The following EFCAB3 variants were observed in gnomAD, a reference collection of about 807,000 sequenced individuals.
EFCAB3 encodes EF-hand calcium binding domain 3, also known as EF-hand calcium-binding domain-containing protein 3.
EFCAB3 carries 36 observed loss-of-function variants against 42.2 expected under a neutral mutation model. That is an observed-to-expected ratio of 0.85 (90% CI 0.65 to 1.13). The LOEUF (loss-of-function observed/expected upper bound fraction) is 1.13, where lower values mean the gene tolerates loss of function less well. Among genes scored for constraint, EFCAB3 ranks in the 50% most tolerant of loss-of-function variants. EFCAB3 has a pLI of 0.00. For synonymous variants in EFCAB3, 170 were observed against 172.8 expected, an observed-to-expected ratio of 0.98 and a Z score of 0.13; for missense variants, 418 against 505.1, an observed-to-expected ratio of 0.83 and a Z score of 1.65.
chr17:62,392,098 G>A, intron 4 of EFCAB3, 133 bp downstream of exon 4: 3 of 518,686 alleles, frequency 5.8e-6, no homozygotes, highest in Non-Finnish European at 8.4e-6. Context: ...ATATTTGTGT[G>A]TATATATATA....
Position 62,416,259 on chromosome 17 carries a change from A to G in EFCAB3, c.1247A>G (p.Asp416Gly). The change falls in exon 10 of 10, where the codon GAT (aspartate) becomes GGT (glycine). Residue 416 changes from aspartate (D) to glycine (G), a missense_variant. By Grantham distance (94) the Asp-to-Gly change is moderately conservative. Transcript: ENST00000305286. Reference protein sequence around the residue: ...SHNSRSSSSSDTSECYTDSGR... With the variant: ...SHNSRSSSSSGTSECYTDSGR... ...AACTCCAGATCCTCTTCCTCATCAG[A>G]TACCAGTGAATGTTACACAGACTCA... 2.5e-6 allele frequency: 4 copies of G among 1,613,952 alleles called. No homozygotes were observed. Among genetic ancestry groups the G allele is most frequent in the Non-Finnish European group, 2.5e-6 (3 of 1,179,848 alleles).
chr17:62,395,303 GAGA>G lies in EFCAB3; in HGVS notation c.488+121_488+123del, dbSNP rs2070339911. 7 of 1,345,086 alleles carry G rather than the reference GAGA, an allele frequency of 5.2e-6. No homozygotes were observed. In the East Asian group the frequency reaches 1.6e-4, roughly 31 times the overall value. 83.3% of individuals were successfully genotyped at this position (1,345,086 alleles called of 1,614,324 possible). On this transcript the variant is annotated intron_variant, in intron 6 of 9. Transcript: ENST00000305286. ...CCACAGGGTCTGGTCCAAAACTAAGGAGAAGAAGGTATCTGGGCAAATGCCCTT... is the reference window on the plus strand; with the variant it reads ...CCACAGGGTCTGGTCCAAAACTAAGGAGAAGGTATCTGGGCAAATGCCCTT...
intron 3 of EFCAB3, among the ~76,000 whole-genome samples, chr17:62,388,394 G>T (rs1346754459): frequency 2.6e-5 from 4 of 152,216 alleles, no homozygotes; most frequent in Admixed American, 1.3e-4. Context: ...CAGGCAAATA[G>T]CGCTGACAGG....
chr17:62,386,467 TA>T (rs60085815), intron 2 of EFCAB3, among the ~76,000 whole-genome samples: 12,709 of 145,910 alleles, frequency 0.087, 1,732 homozygotes, highest in African/African-American at 0.29. Context: ...GTAAAAGTTG[TA>T]AAAAAAAAAA....
chr17:62,394,007 T>G (rs2144083086), intron 5 of EFCAB3, among the ~76,000 whole-genome samples: 1 of 151,424 alleles, frequency 6.6e-6, no homozygotes, highest in Middle Eastern at 3.4e-3. Context: ...CAGGCTGGAG[T>G]GCAGTGGCAC....
intron 2 of EFCAB3, chr17:62,373,889 A>C (rs2070131595): frequency 7.9e-7 from 1 of 1,266,762 alleles, no homozygotes; most frequent in Non-Finnish European, 1.1e-6. Flanking sequence ...TTTATTATAC[A>C]ATATAAAATT....
At chr17:62,415,587 C>A (rs1250787876) in intron 9 of EFCAB3, among the ~76,000 whole-genome samples, 1 of 152,102 alleles carries the variant, frequency 6.6e-6, no homozygotes, top group Non-Finnish European at 1.5e-5. Context: ...TGTCCCCTCT[C>A]CCTGGAACAC....
chr17:62,375,518 C>A (rs2070143328), intron 2 of EFCAB3, among the ~76,000 whole-genome samples: 1 of 152,188 alleles, frequency 6.6e-6, no homozygotes, highest in African/African-American at 2.4e-5. Flanking sequence ...AAGCAAGGTT[C>A]CCACTCTCAC....
intron 9 of EFCAB3, 42 bp from the exon 10 acceptor site, chr17:62,415,961 A>C (rs750336162): frequency 1.4e-5 from 21 of 1,477,572 alleles, no homozygotes; most frequent in Non-Finnish European, 1.9e-5. Flanking sequence ...AATCAAAGCT[A>C]CTTTAAGGTA....
At chr17:62,413,454 G>T (rs937139868) in intron 8 of EFCAB3, among the ~76,000 whole-genome samples, 6 of 152,076 alleles carry the variant, frequency 3.9e-5, no homozygotes, top group African/African-American at 1.4e-4. Flanking sequence ...AGGAAATTTG[G>T]CAATAATTAC....
intron 1 of EFCAB3, chr17:62,373,751 A>C (rs2070130475): frequency 3.1e-6 from 3 of 958,306 alleles, no homozygotes; most frequent in Non-Finnish European, 4.8e-6. Context: ...GTTTTTAATA[A>C]TTTCACAACT....
chr17:62,406,877 G>T, intron 7 of EFCAB3, 151 bp from the exon 8 acceptor site: 1 of 396,072 alleles, frequency 2.5e-6, no homozygotes, highest in Non-Finnish European at 4.3e-6. Flanking sequence ...AGAGTCTGTG[G>T]ATGGGTGGGG....
Position 62,415,859 on chromosome 17 carries a change from G to A in EFCAB3, c.991-144G>A, listed in dbSNP as rs1368029457. ...TTGTCCATCACCTCCTAGCTCACACGTCCTCACGAGGCACCACCTAATGTA... is the reference window on the plus strand; with the variant it reads ...TTGTCCATCACCTCCTAGCTCACACATCCTCACGAGGCACCACCTAATGTA... On this transcript the variant is annotated intron_variant, in intron 9 of 9. Coordinates refer to ENST00000305286, the MANE Select transcript of EFCAB3 (RefSeq NM_173503.4). 6.3e-5 allele frequency: 42 copies of A among 664,986 alleles called. No individual in the cohort carries two copies. In the South Asian group the frequency reaches 7.7e-4, roughly 12 times the overall value. The allele number at this position is 664,986 out of a possible 1,614,324, so 41.2% of individuals were successfully genotyped here.
upstream of EFCAB3, among the ~76,000 whole-genome samples, chr17:62,376,211 G>A (rs1455932729): frequency 1.3e-5 from 2 of 152,126 alleles, no homozygotes; most frequent in South Asian, 2.1e-4. Context: ...GGTGGCTCAC[G>A]CCTGTAATCT....
In EFCAB3 at chr17:62,398,357, G is replaced by A. The variant is rs149427384; in HGVS notation, c.488+3169G>A. ...TAATCCCAGCTACTCAAGAGGCCAA[G>A]GCACAAGAATGGCTTGAATCTGGGA... is the stretch of plus-strand genomic sequence containing the variant. On this transcript the variant is annotated intron_variant, in intron 6 of 9. Transcript: ENST00000305286. Among the ~76,000 whole-genome samples the A allele has an allele frequency of 8.1e-4, 123 of 152,064 alleles. No homozygotes were observed. In the Middle Eastern group the frequency reaches 0.014, roughly 17 times the overall value.
intron 3 of EFCAB3, among the ~76,000 whole-genome samples, chr17:62,390,469 A>G (rs969808256): frequency 1.3e-5 from 2 of 152,184 alleles, no homozygotes; most frequent in African/African-American, 4.8e-5. Context: ...TCCACCCAGA[A>G]TTACTTTTTC....
At chr17:62,387,980 C>T (rs1029960604) in intron 3 of EFCAB3, among the ~76,000 whole-genome samples, 3 of 151,976 alleles carry the variant, frequency 2.0e-5, no homozygotes, top group Admixed American at 6.6e-5. Flanking sequence ...TGAGGCAGGC[C>T]GGGCCGATCA....
intron 2 of EFCAB3, among the ~76,000 whole-genome samples, chr17:62,374,270 G>A (rs1469010340): frequency 3.9e-5 from 6 of 152,222 alleles, no homozygotes; most frequent in Admixed American, 3.9e-4. Flanking sequence ...AGACCAGCCT[G>A]ACCAACATGG....
chr17:62,415,795 TTTC>T (rs1486196970), intron 9 of EFCAB3, among the ~76,000 whole-genome samples: 1 of 152,200 alleles, frequency 6.6e-6, no homozygotes, highest in Non-Finnish European at 1.5e-5. Context: ...CCTTATAAAA[TTTC>T]TTATTACCTC....
Sources: allele counts gnomAD v4.1 joint callset (sites outside exome capture counted in the v4.1 genomes callset), GRCh38; gene constraint gnomAD v4.1.1; transcripts MANE v1.5; gene names NCBI Gene and HGNC (gene_info 2026-07-23, HGNC 2026-07-21).